Variants in MED12L observed in about 807,000 individuals in gnomAD.
MED12L encodes the protein mediator of RNA polymerase II transcription subunit 12-like protein.
A neutral mutation model predicts 281.3 loss-of-function variants in MED12L; 60 were observed. That is an observed-to-expected ratio of 0.21 (90% CI 0.17 to 0.26). MED12L has a LOEUF of 0.26. Ranked by LOEUF, MED12L falls within the 10% of genes least tolerant of loss-of-function variation. MED12L has a pLI of 1.00. For synonymous variants in MED12L, 974 were observed against 987.2 expected (o/e 0.99, Z 0.25); for missense variants, 2,146 against 2,680.9 (o/e 0.80, Z 4.41).
intron 16 of MED12L, among the ~76,000 whole-genome samples, chr3:151,275,330 A>G (rs1246601484): frequency 1.3e-5 from 2 of 151,568 alleles, no homozygotes; most frequent in Non-Finnish European, 1.5e-5. Context: ...GATGTCATAT[A>G]ATTGGGTAGA....
At chr3:151,154,232 C>G (rs1718956745) in intron 5 of MED12L, among the ~76,000 whole-genome samples, 1 of 152,176 alleles carries the variant, frequency 6.6e-6, no homozygotes, top group Non-Finnish European at 1.5e-5. Context: ...ATTGACATAA[C>G]TTTAAGTCAG....
At chr3:151,168,782 T>C (rs957873262) in intron 11 of MED12L, among the ~76,000 whole-genome samples, 3 of 152,200 alleles carry the variant, frequency 2.0e-5, no homozygotes, top group Admixed American at 6.5e-5. Context: ...CTTGGCTCCC[T>C]GCAACCTCTG....
chr3:151,120,242 A>T (rs12632494), intron 3 of MED12L, among the ~76,000 whole-genome samples: 2 of 151,668 alleles, frequency 1.3e-5, no homozygotes, highest in Non-Finnish European at 2.9e-5. Context: ...AAACAAAACG[A>T]AAAACCAAAA....
intron 16 of MED12L, among the ~76,000 whole-genome samples, chr3:151,346,451 C>T (rs1170285334): frequency 6.6e-6 from 1 of 152,154 alleles, no homozygotes; most frequent in East Asian, 1.9e-4. Context: ...TTCATCATCA[C>T]CTCTTACTTT....
chr3:151,146,312 G>A (rs551226222), intron 5 of MED12L, among the ~76,000 whole-genome samples: 2 of 152,234 alleles, frequency 1.3e-5, no homozygotes, highest in African/African-American at 4.8e-5. Context: ...AATGTCACAC[G>A]CTGCCATTTC....
At chr3:151,108,830 G>A (rs968195420) in intron 2 of MED12L, among the ~76,000 whole-genome samples, 1 of 152,138 alleles carries the variant, frequency 6.6e-6, no homozygotes, top group African/African-American at 2.4e-5. Context: ...CTTTGAGATG[G>A]CCATTGAAAA....
intron 32 of MED12L, among the ~76,000 whole-genome samples, 190 bp from the exon 33 acceptor site, chr3:151,382,466 C>T (rs547084321): frequency 7.9e-5 from 12 of 152,126 alleles, no homozygotes; most frequent in South Asian, 4.2e-4. Flanking sequence ...CCACCTAGAA[C>T]GGCAAATGCA....
intron 8 of MED12L, 148 bp from the exon 9 acceptor site, chr3:151,163,745 T>C (rs1720309626): frequency 1.5e-6 from 1 of 651,080 alleles, no homozygotes; most frequent in Non-Finnish European, 2.4e-6. Context: ...AATTGCGAAG[T>C]TGAGAATGGG....
Position 151,413,233 on chromosome 3 carries a change from C to G in MED12L, c.6235C>G (p.Leu2079Val). Residue 2079 changes from leucine to valine, a missense_variant, in exon 42 of 45, where the codon CTG becomes GTG. Physicochemically the swap from Leu to Val is conservative, Grantham distance 32. Transcript: ENST00000687756. The part of the protein sequence containing the change: ...SAHPNLPSVP[L>V]PQDPMRPRQP... Reference sequence around the variant, plus strand: ...ACATCCAAACCTTCCCTCCGTGCCCCTGCCTCAGGATCCCATGAGACCCAG... The same window carrying G: ...ACATCCAAACCTTCCCTCCGTGCCCGTGCCTCAGGATCCCATGAGACCCAG... 1 of 1,614,204 alleles carries G rather than the reference C, an allele frequency of 6.2e-7. No individual in the cohort carries two copies. Among genetic ancestry groups the G allele is most frequent in the Non-Finnish European group, 8.5e-7 (1 of 1,180,032 alleles).
At position 151,432,205 on chromosome 3, in the gene MED12L, C is replaced by T. The variant is rs556310017; in HGVS notation, c.6491-547C>T. Among the ~76,000 whole-genome samples, 85 of 152,322 alleles carry T rather than the reference C, an allele frequency of 5.6e-4. 1 individual carries two copies. The South Asian group carries it at 0.017, about 31-fold the overall frequency. The stretch of plus-strand genomic sequence containing the variant: ...CATGTCATTTTTTGGTATCTACTGA[C>T]CATTCCTTGTTTCTGTATGCATGTG... On this transcript the variant is annotated intron_variant, in intron 44 of 44. Coordinates refer to ENST00000687756, the MANE Select transcript of MED12L (RefSeq NM_001393769.1).
chr3:151,412,646 C>G (rs1368998733), intron 41 of MED12L, among the ~76,000 whole-genome samples: 1 of 152,200 alleles, frequency 6.6e-6, no homozygotes, highest in African/African-American at 2.4e-5. Flanking sequence ...TAATAAATAG[C>G]AGCATAGCAT....
At chr3:151,335,915 C>A (rs1247697591) in intron 16 of MED12L, among the ~76,000 whole-genome samples, 1 of 152,116 alleles carries the variant, frequency 6.6e-6, no homozygotes, top group African/African-American at 2.4e-5. Context: ...ATTAGCATTT[C>A]TGTTTATTTC....
chr3:151,106,914 G>T (rs1264676174), intron 2 of MED12L, among the ~76,000 whole-genome samples: 1 of 151,964 alleles, frequency 6.6e-6, no homozygotes, highest in Non-Finnish European at 1.5e-5. Context: ...TATATTTAAA[G>T]TATGTCTTTA....
At chr3:151,254,425 G>C (rs764177332) in intron 16 of MED12L, among the ~76,000 whole-genome samples, 2 of 152,206 alleles carry the variant, frequency 1.3e-5, no homozygotes, top group Non-Finnish European at 1.5e-5. Flanking sequence ...AAACCTTGCT[G>C]TCTTGGTCTA....
chr3:151,304,737 T>C (rs1746414515), intron 16 of MED12L, among the ~76,000 whole-genome samples: 4 of 152,172 alleles, frequency 2.6e-5, no homozygotes. Context: ...CCTCCATTTC[T>C]GCCTGTATAA....
At chr3:151,386,499 C>T (rs1199236224) in intron 36 of MED12L, among the ~76,000 whole-genome samples, 4 of 151,950 alleles carry the variant, frequency 2.6e-5, no homozygotes, top group Non-Finnish European at 4.4e-5. Flanking sequence ...AAACGATTCT[C>T]CTGTCTCAGC....
chr3:151,293,078 G>T (rs1744478025), intron 16 of MED12L, among the ~76,000 whole-genome samples: 1 of 152,110 alleles, frequency 6.6e-6, no homozygotes, highest in African/African-American at 2.4e-5. Flanking sequence ...TAACCCCTTT[G>T]CCATTAACCT....
chr3:151,282,008 G>A (rs748018696), intron 16 of MED12L, among the ~76,000 whole-genome samples: 9 of 152,030 alleles, frequency 5.9e-5, no homozygotes, highest in Non-Finnish European at 8.8e-5. Flanking sequence ...TCCTTACCCC[G>A]GAATTCACCT....
At chr3:151,093,067 A>T (rs767835919) in intron 2 of MED12L, among the ~76,000 whole-genome samples, 2 of 152,202 alleles carry the variant, frequency 1.3e-5, no homozygotes, top group African/African-American at 2.4e-5. Context: ...ATACTTTGGG[A>T]GACCAAGGCT....
Sources: gnomAD v4.1 joint callset for allele counts (sites outside exome capture counted in the v4.1 genomes callset) on GRCh38, gnomAD v4.1.1 for gene constraint, MANE v1.5 for transcripts, NCBI Gene and HGNC (gene_info 2026-07-23, HGNC 2026-07-21) for gene names.